Variants in PTPRN2 observed in about 807,000 individuals in gnomAD.
The protein encoded by PTPRN2 is protein tyrosine phosphatase receptor type N2, also known as receptor-type tyrosine-protein phosphatase N2.
PTPRN2 carries 74 observed loss-of-function variants against 118.8 expected under a neutral mutation model. The ratio of observed to expected loss-of-function variants is 0.62; its 90% CI spans 0.52 to 0.76. The LOEUF is 0.76. Among genes scored for constraint, PTPRN2 ranks in the 30% least tolerant of loss-of-function variants. The pLI, the probability that PTPRN2 is intolerant of heterozygous loss-of-function variation, is 0.00. For missense variants in PTPRN2, 1,481 were observed against 1,394.4 expected, an observed-to-expected ratio of 1.06 and a Z score of -0.99; for synonymous variants, 641 against 608.0, an observed-to-expected ratio of 1.05 and a Z score of -0.80.
intron 3 of PTPRN2, among the ~76,000 whole-genome samples, chr7:158,266,669 G>A (rs1014123408): frequency 1.3e-4 from 20 of 152,182 alleles, no homozygotes; most frequent in East Asian, 1.2e-3. Flanking sequence ...GCCACTTCCC[G>A]GCTTAACCTG....
chr7:157,819,454 G>T (rs1806655924), intron 12 of PTPRN2, among the ~76,000 whole-genome samples: 2 of 152,156 alleles, frequency 1.3e-5, no homozygotes, highest in South Asian at 4.1e-4. Flanking sequence ...AAGCGCGAGG[G>T]CGCCCTGCAG....
At chr7:158,169,795 G>A (rs78720094) in intron 5 of PTPRN2, among the ~76,000 whole-genome samples, 2,671 of 151,974 alleles carry the variant, frequency 0.018, 74 homozygotes, top group African/African-American at 0.061. Flanking sequence ...GGGTTCAAGC[G>A]ACTCTCCTGC....
At chr7:158,070,969 C>CCCGTGGT (rs1811351932) in intron 11 of PTPRN2, among the ~76,000 whole-genome samples, 1 of 16,634 alleles carries the variant, frequency 6.0e-5, no homozygotes, top group Non-Finnish European at 1.0e-4. Flanking sequence ...GAGGTGCTCA[C>CCCGTGGT]GGTGGAGGTG....
intron 11 of PTPRN2, among the ~76,000 whole-genome samples, chr7:158,009,283 G>A (rs942105800): frequency 6.6e-6 from 1 of 152,052 alleles, no homozygotes; most frequent in Non-Finnish European, 1.5e-5. Context: ...GCAGTTCTGA[G>A]GCACGATTAT....
intron 3 of PTPRN2, among the ~76,000 whole-genome samples, chr7:158,224,698 A>G (rs1370252130): frequency 6.6e-6 from 1 of 152,212 alleles, no homozygotes; most frequent in Non-Finnish European, 1.5e-5. Flanking sequence ...GACATCAAAC[A>G]TCTTCCATAA....
At chr7:157,621,682 G>C (rs1013991276) in intron 14 of PTPRN2, among the ~76,000 whole-genome samples, 173 bp from the exon 15 acceptor site, 1 of 152,268 alleles carries the variant, frequency 6.6e-6, no homozygotes, top group Non-Finnish European at 1.5e-5. Flanking sequence ...ATCATACCAT[G>C]CAACCGTTAA....
chr7:157,900,062 C>T (rs1419469809), intron 11 of PTPRN2, among the ~76,000 whole-genome samples: 1 of 152,166 alleles, frequency 6.6e-6, no homozygotes, highest in Non-Finnish European at 1.5e-5. Context: ...ACAAATGCAA[C>T]CTTAGAACCA....
rs1240922422 is a variant in PTPRN2, at chr7:157,610,259, C to A, written c.2345-6184G>T. Among the ~76,000 whole-genome samples, 3 of 152,204 alleles carry A rather than the reference C, an allele frequency of 2.0e-5. No individual in the cohort carries two copies. The highest frequency in any genetic ancestry group is 4.4e-5 in the Non-Finnish European group (3 of 68,038). On this transcript the variant is annotated intron_variant, in intron 15 of 22. Coordinates refer to ENST00000389418, the MANE Select transcript of PTPRN2 (RefSeq NM_002847.5). This position sits in a 1 kb window ranked among gnomAD's most constrained non-coding sequence, Gnocchi z 5.1. Reference sequence around the variant, plus strand: ...AATGGGGTTCCCTCCTCCCAGGGGCCTCACGGAACTCGGCAATGGGGTTCC... The same window carrying A: ...AATGGGGTTCCCTCCTCCCAGGGGCATCACGGAACTCGGCAATGGGGTTCC...
intron 13 of PTPRN2, among the ~76,000 whole-genome samples, chr7:157,661,139 G>A (rs1310079611): frequency 3.9e-5 from 6 of 152,262 alleles, no homozygotes; most frequent in Admixed American, 2.6e-4. Context: ...GCTGGTGCAC[G>A]GTGAGGGAGA....
chr7:157,810,065 A>G (rs10228368), intron 12 of PTPRN2, among the ~76,000 whole-genome samples: 36,016 of 152,242 alleles, frequency 0.24, 6,066 homozygotes, highest in African/African-American at 0.47. Context: ...CAGAGAGGAC[A>G]GGGGAGCTTC....
intron 11 of PTPRN2, among the ~76,000 whole-genome samples, chr7:158,070,899 G>T (rs555458578): frequency 7.4e-6 from 1 of 135,804 alleles, no homozygotes; most frequent in Non-Finnish European, 1.5e-5. Flanking sequence ...GGTGCCCATG[G>T]TAGTGGAGGT....
intron 6 of PTPRN2, 139 bp downstream of exon 6, chr7:158,166,792 G>T: frequency 8.8e-7 from 1 of 1,137,524 alleles, no homozygotes; most frequent in Non-Finnish European, 1.2e-6. Flanking sequence ...CCTACATGGT[G>T]CCCCATTCCT....
intron 11 of PTPRN2, among the ~76,000 whole-genome samples, chr7:158,018,565 T>A (rs975239717): frequency 6.6e-6 from 1 of 152,210 alleles, no homozygotes; most frequent in South Asian, 2.1e-4. Flanking sequence ...CATCTCGGCT[T>A]GAAATGGATC....
At position 158,422,333 on chromosome 7, in the gene PTPRN2, T is replaced by C. The variant is rs1443190553; in HGVS notation, c.163+67402A>G. ...TTTGGCCAGCTTGGTTGGGGAGAGC[T>C]GGAATGGCAGGTTGAGAAGTACCAA... On this transcript the variant is annotated intron_variant, in intron 2 of 22. Coordinates refer to ENST00000389418, the MANE Select transcript of PTPRN2 (RefSeq NM_002847.5). Among the ~76,000 whole-genome samples the C allele has an allele frequency of 2.0e-5, 3 of 152,204 alleles. No homozygotes were observed. In the East Asian group the frequency reaches 5.8e-4, roughly 29 times the overall value.
chr7:158,113,819 C>T (rs1816494701), intron 9 of PTPRN2, among the ~76,000 whole-genome samples: 1 of 152,200 alleles, frequency 6.6e-6, no homozygotes, highest in African/African-American at 2.4e-5. Flanking sequence ...GCCTACCATC[C>T]TTGGCCAGGA....
At chr7:158,235,135 TGTGG>T (rs34827325) in intron 3 of PTPRN2, among the ~76,000 whole-genome samples, 31,961 of 151,962 alleles carry the variant, frequency 0.21, 3,818 homozygotes, top group African/African-American at 0.32. Context: ...CCTCGGACAC[TGTGG>T]GTGGGAATGT....
chr7:158,458,220 G>A (rs796284788), intron 2 of PTPRN2, among the ~76,000 whole-genome samples: 7 of 152,224 alleles, frequency 4.6e-5, no homozygotes, highest in African/African-American at 9.6e-5. Context: ...CACAGCAAAC[G>A]TTATTTCCCC....
At chr7:157,621,328 AC>A (rs1803216685) in intron 15 of PTPRN2, 33 bp downstream of exon 15, 13 of 1,600,394 alleles carry the variant, frequency 8.1e-6, no homozygotes, top group Non-Finnish European at 1.1e-5. Context: ...ACCGCCCGTA[AC>A]CCAGGCTTCC....
intron 2 of PTPRN2, among the ~76,000 whole-genome samples, chr7:158,354,729 G>A (rs1258924476): frequency 6.6e-6 from 1 of 152,132 alleles, no homozygotes; most frequent in Non-Finnish European, 1.5e-5. Flanking sequence ...TCAAGAGGGA[G>A]CTGAGTGAGA....
Sources: gnomAD v4.1 joint callset for allele counts (sites outside exome capture counted in the v4.1 genomes callset) on GRCh38, gnomAD v4.1.1 for gene constraint, Gnocchi (gnomAD v3.1) non-coding constraint, MANE v1.5 for transcripts, NCBI Gene and HGNC (gene_info 2026-07-23, HGNC 2026-07-21) for gene names.